Variants in ZMIZ1 observed in about 807,000 individuals in gnomAD.
ZMIZ1 encodes the protein zinc finger MIZ-type containing 1.
ZMIZ1 carries 17 observed loss-of-function variants against 113.9 expected under a neutral mutation model. The observed-to-expected ratio is 0.15, with a 90% CI of 0.10 to 0.22. ZMIZ1 has a LOEUF of 0.22. Ranked by LOEUF, ZMIZ1 falls within the 10% of genes least tolerant of loss-of-function variation. The pLI is 1.00. For synonymous variants in ZMIZ1, 607 were observed against 603.1 expected (o/e 1.01, Z -0.09); for missense variants, 1,059 against 1,477.8 (o/e 0.72, Z 4.65).
chr10:79,143,871 G>A (rs1012754402), intron 3 of ZMIZ1, among the ~76,000 whole-genome samples: 6 of 152,168 alleles, frequency 3.9e-5, no homozygotes, highest in African/African-American at 9.7e-5. Flanking sequence ...GAGTGAGTGC[G>A]GTCTGACATG....
intron 7 of ZMIZ1, among the ~76,000 whole-genome samples, chr10:79,237,350 C>A (rs1849632833): frequency 6.6e-6 from 1 of 152,198 alleles, no homozygotes; most frequent in Admixed American, 6.5e-5. Context: ...TGTTTTGTGA[C>A]TTAGGTTTTA....
chr10:79,105,456 T>G (rs1843521292), intron 1 of ZMIZ1, among the ~76,000 whole-genome samples: 1 of 152,234 alleles, frequency 6.6e-6, no homozygotes, highest in African/African-American at 2.4e-5. Context: ...TGAACTGAGC[T>G]TCTTTCTGCT....
intron 7 of ZMIZ1, among the ~76,000 whole-genome samples, chr10:79,264,716 A>G (rs1290008914): frequency 6.6e-6 from 1 of 152,158 alleles, no homozygotes; most frequent in Non-Finnish European, 1.5e-5. Flanking sequence ...GAACGAGGAA[A>G]TGTGAGCCAG....
chr10:79,204,033 C>T (rs1848212774), intron 5 of ZMIZ1, among the ~76,000 whole-genome samples: 1 of 152,356 alleles, frequency 6.6e-6, no homozygotes, highest in East Asian at 1.9e-4. Flanking sequence ...AGACACAGCT[C>T]AGTGCTGACA....
At position 79,269,965 on chromosome 10, in the gene ZMIZ1, C is replaced by T. The variant is rs1851852763; in HGVS notation, c.281-7216C>T. ...GTCTGAACAGTACATGTAGATCCAC[C>T]CTCCTCACCTGGCACTCAGGCGATT... is the stretch of plus-strand genomic sequence containing the variant. On this transcript the variant is annotated intron_variant, in intron 7 of 24. Coordinates refer to ENST00000334512, the MANE Select transcript of ZMIZ1 (RefSeq NM_020338.4). Among the ~76,000 whole-genome samples the T allele has an allele frequency of 2.0e-5, 3 of 152,294 alleles. No homozygotes were observed. In the South Asian group the frequency reaches 6.2e-4, roughly 32 times the overall value.
intron 4 of ZMIZ1, among the ~76,000 whole-genome samples, chr10:79,188,395 C>T (rs959392004): frequency 3.3e-5 from 5 of 152,186 alleles, no homozygotes; most frequent in African/African-American, 7.2e-5. Context: ...TTCCCGCCCC[C>T]GAGCCAGTCT....
chr10:79,107,902 T>C (rs1456280936), intron 1 of ZMIZ1, among the ~76,000 whole-genome samples: 2 of 152,208 alleles, frequency 1.3e-5, no homozygotes, highest in East Asian at 1.9e-4. Context: ...GAGTCCTGCC[T>C]GAGGGCCCTG....
intron 7 of ZMIZ1, among the ~76,000 whole-genome samples, chr10:79,237,662 G>C (rs1412563418): frequency 6.6e-6 from 1 of 152,186 alleles, no homozygotes; most frequent in East Asian, 1.9e-4. Flanking sequence ...TGATGGATTA[G>C]GGCCCACCCT....
At chr10:79,304,239 G>A in intron 19 of ZMIZ1, 64 bp downstream of exon 19, 2 of 1,569,050 alleles carry the variant, frequency 1.3e-6, no homozygotes, top group South Asian at 1.2e-5. Flanking sequence ...ATGGTGAGGG[G>A]TAGGCAGAGG....
At chr10:79,109,146 C>T (rs1004941939) in intron 1 of ZMIZ1, among the ~76,000 whole-genome samples, 1 of 152,182 alleles carries the variant, frequency 6.6e-6, no homozygotes, top group Non-Finnish European at 1.5e-5. Context: ...CTGCCTCTCT[C>T]TGTGTTGATC....
At chr10:79,200,836 AT>A (rs1262602602) in intron 4 of ZMIZ1, among the ~76,000 whole-genome samples, 1 of 48,312 alleles carries the variant, frequency 2.1e-5, no homozygotes, top group African/African-American at 6.4e-5. Context: ...CTCAGAGCAC[AT>A]GTGCATGTGC....
intron 1 of ZMIZ1, among the ~76,000 whole-genome samples, chr10:79,073,681 T>C (rs1842371990): frequency 6.6e-6 from 1 of 151,432 alleles, no homozygotes; most frequent in Admixed American, 6.6e-5. Flanking sequence ...CTAGCCCTTA[T>C]TGGGAATGAC....
intron 7 of ZMIZ1, among the ~76,000 whole-genome samples, chr10:79,239,364 A>C (rs536694135): frequency 6.6e-6 from 1 of 152,282 alleles, no homozygotes; most frequent in African/African-American, 2.4e-5. Context: ...AGGACCAGGG[A>C]TGTGAAGGTG....
intron 8 of ZMIZ1, among the ~76,000 whole-genome samples, chr10:79,279,318 C>G (rs1852540128): frequency 6.6e-6 from 1 of 151,878 alleles, no homozygotes; most frequent in Admixed American, 6.5e-5. Flanking sequence ...CTCCTCAGTT[C>G]CCAGACGGGG....
intron 4 of ZMIZ1, among the ~76,000 whole-genome samples, chr10:79,180,001 C>T (rs1486405901): frequency 6.6e-6 from 1 of 152,250 alleles, no homozygotes; most frequent in Admixed American, 6.5e-5. Flanking sequence ...ACCTGCCCCT[C>T]ATCCACTCGT....
At chr10:79,200,542 C>G (rs1383126942) in intron 4 of ZMIZ1, among the ~76,000 whole-genome samples, 1 of 152,240 alleles carries the variant, frequency 6.6e-6, no homozygotes, top group Non-Finnish European at 1.5e-5. Flanking sequence ...CAAGCCATCC[C>G]TGCACCCGCA....
intron 4 of ZMIZ1, among the ~76,000 whole-genome samples, chr10:79,195,572 C>T (rs1013639263): frequency 1.3e-5 from 2 of 152,228 alleles, no homozygotes; most frequent in African/African-American, 2.4e-5. Context: ...AGCCCGGAGG[C>T]GGAGGCAGCG....
At chr10:79,285,540 A>G (rs559274985) in intron 8 of ZMIZ1, 1 of 456,094 alleles carries the variant, frequency 2.2e-6, no homozygotes, top group Admixed American at 2.3e-5. Context: ...CCCAGTGGCC[A>G]TGTGGCCACA....
At position 79,081,877 on chromosome 10, in the gene ZMIZ1, A is replaced by G. The variant is rs60504724; in HGVS notation, c.-337+12607A>G. On this transcript the variant is annotated intron_variant, in intron 1 of 24. Coordinates refer to ENST00000334512, the MANE Select transcript of ZMIZ1 (RefSeq NM_020338.4). The stretch of plus-strand genomic sequence containing the variant: ...TCGGGGAGTGTAATGTTTCATTACC[A>G]TGTGCAATGATGGTAATGGCAGCAC... Among the ~76,000 whole-genome samples the G allele has an allele frequency of 8.7e-3, 1,319 of 152,314 alleles. 18 individuals carry two copies. Among genetic ancestry groups the G allele is most frequent in the African/African-American group, 0.03 (1,241 of 41,556 alleles).
Sources: gnomAD v4.1 joint callset for allele counts (sites outside exome capture counted in the v4.1 genomes callset) on GRCh38, gnomAD v4.1.1 for gene constraint, MANE v1.5 for transcripts, NCBI Gene and HGNC (gene_info 2026-07-23, HGNC 2026-07-21) for gene names.